The following PTPRR variants were observed in gnomAD, a reference collection of about 807,000 sequenced individuals.
PTPRR encodes protein tyrosine phosphatase receptor type R, also known as receptor-type tyrosine-protein phosphatase R.
PTPRR carries 38 observed loss-of-function variants against 77.2 expected under a neutral mutation model. The ratio of observed to expected loss-of-function variants is 0.49; its 90% CI spans 0.38 to 0.65. The LOEUF (loss-of-function observed/expected upper bound fraction) is 0.65, where lower values mean the gene tolerates loss of function less well. PTPRR is among the 30% of genes least tolerant of loss of function. The probability of loss-of-function intolerance (pLI) is 0.00; values close to 1 mark genes in which losing one functional copy is unlikely to be tolerated. For missense variants in PTPRR, 744 were observed against 799.2 expected, an observed-to-expected ratio of 0.93 and a Z score of 0.83; for synonymous variants, 299 against 283.1, an observed-to-expected ratio of 1.06 and a Z score of -0.57.
intron 6 of PTPRR, among the ~76,000 whole-genome samples, chr12:70,733,130 A>G (rs1889721020): frequency 1.3e-5 from 2 of 152,302 alleles, no homozygotes; most frequent in Non-Finnish European, 2.9e-5. Flanking sequence ...TTGGAAAAAA[A>G]GGTTTCCTTA....
At chr12:70,735,623 T>C (rs1395392335) in intron 6 of PTPRR, among the ~76,000 whole-genome samples, 2 of 152,212 alleles carry the variant, frequency 1.3e-5, no homozygotes, top group African/African-American at 4.8e-5. Flanking sequence ...GTCATCTGTA[T>C]CACCTAGAAA....
intron 2 of PTPRR, among the ~76,000 whole-genome samples, chr12:70,851,686 T>C (rs1479430721): frequency 6.6e-6 from 1 of 152,192 alleles, no homozygotes; most frequent in Non-Finnish European, 1.5e-5. Context: ...GTTCATCATA[T>C]TGAAGACATA....
chr12:70,853,573 G>T (rs141387738), intron 2 of PTPRR, among the ~76,000 whole-genome samples: 145 of 152,228 alleles, frequency 9.5e-4, no homozygotes, highest in African/African-American at 3.3e-3. Context: ...ACTCAATATT[G>T]CTCAATCTTG....
At chr12:70,679,726 A>G (rs564528393) in intron 10 of PTPRR, among the ~76,000 whole-genome samples, 1 of 152,002 alleles carries the variant, frequency 6.6e-6, no homozygotes, top group Non-Finnish European at 1.5e-5. Context: ...TTTAGTTTCC[A>G]TTTGCAAGTG....
In PTPRR at chr12:70,662,516, G is replaced by A; in HGVS notation, c.1587C>T (p.Thr529=). 6.2e-7 allele frequency: 1 copy of A among 1,604,138 alleles called. No homozygotes were observed. Among genetic ancestry groups the A allele is most frequent in the Non-Finnish European group, 8.5e-7 (1 of 1,172,628 alleles). Residue 529 remains threonine (T), a synonymous_variant, in exon 11 of 14, where the codon ACC becomes ACT. Transcript: ENST00000283228. ...VISVNECDNY[T]IRNLVLKQGS... ...TTACCTTTAAGACAAGGTTTCGAAT[G>A]GTGTAGTTATCACATTCATTTACAC...
At chr12:70,762,636 G>A (rs1890719416) in intron 3 of PTPRR, among the ~76,000 whole-genome samples, 3 of 152,210 alleles carry the variant, frequency 2.0e-5, no homozygotes, top group Admixed American at 2.0e-4. Context: ...CTTGTGTTGT[G>A]CCTAACATGC....
intron 2 of PTPRR, among the ~76,000 whole-genome samples, chr12:70,805,252 C>T (rs987889353): frequency 2.6e-5 from 4 of 151,792 alleles, no homozygotes; most frequent in African/African-American, 9.7e-5. Flanking sequence ...TCTTGCAGTG[C>T]TTTCTTAGAA....
At chr12:70,737,103 T>C (rs1360710714) in intron 6 of PTPRR, among the ~76,000 whole-genome samples, 5 of 152,140 alleles carry the variant, frequency 3.3e-5, no homozygotes, top group Non-Finnish European at 5.9e-5. Flanking sequence ...TAGGAAGTTA[T>C]GCCTCCACCA....
At chr12:70,877,537 T>G (rs1355173162) in intron 2 of PTPRR, among the ~76,000 whole-genome samples, 1 of 152,084 alleles carries the variant, frequency 6.6e-6, no homozygotes, top group Non-Finnish European at 1.5e-5. Flanking sequence ...ATAAAATACC[T>G]AGGAATCCAA....
intron 2 of PTPRR, among the ~76,000 whole-genome samples, chr12:70,803,143 T>C (rs1891645830): frequency 6.6e-6 from 1 of 152,326 alleles, no homozygotes; most frequent in African/African-American, 2.4e-5. Flanking sequence ...ATTTTGTCAC[T>C]AAAGCAGTTG....
At chr12:70,896,948 T>C (rs1225092704) in intron 1 of PTPRR, among the ~76,000 whole-genome samples, 8 of 151,864 alleles carry the variant, frequency 5.3e-5, no homozygotes, top group African/African-American at 1.9e-4. Flanking sequence ...TTCTGAGGGC[T>C]GTGTTCTGTT....
chr12:70,669,556 T>C (rs182239530), intron 10 of PTPRR, among the ~76,000 whole-genome samples: 14,905 of 118,952 alleles, frequency 0.13, 1,134 homozygotes, highest in African/African-American at 0.26. Flanking sequence ...TATATATATG[T>C]TATACACACA....
chr12:70,808,296 A>T (rs1891747591), intron 2 of PTPRR, among the ~76,000 whole-genome samples: 1 of 152,150 alleles, frequency 6.6e-6, no homozygotes, highest in South Asian at 2.1e-4. Flanking sequence ...ATGGAAGTTC[A>T]TTAGTGATTC....
At chr12:70,837,415 G>A (rs1892323136) in intron 2 of PTPRR, among the ~76,000 whole-genome samples, 1 of 151,998 alleles carries the variant, frequency 6.6e-6, no homozygotes, top group Admixed American at 6.6e-5. Flanking sequence ...TGAGAATACA[G>A]TAATAACAAA....
intron 5 of PTPRR, among the ~76,000 whole-genome samples, chr12:70,746,768 T>C (rs1207773657): frequency 6.6e-6 from 1 of 152,018 alleles, no homozygotes; most frequent in East Asian, 1.9e-4. Context: ...CATAGCTCAC[T>C]GTAACCTCGA....
chr12:70,888,335 A>G (rs1037460500), intron 2 of PTPRR, among the ~76,000 whole-genome samples: 6 of 152,174 alleles, frequency 3.9e-5, no homozygotes, highest in Admixed American at 3.9e-4. Flanking sequence ...CCAGTCTCAC[A>G]TGGTCAATAA....
chr12:70,675,156 T>C (rs1887396167), intron 10 of PTPRR, among the ~76,000 whole-genome samples: 1 of 152,072 alleles, frequency 6.6e-6, no homozygotes, highest in East Asian at 1.9e-4. Flanking sequence ...TGATTAGTAT[T>C]AGTTTGGTGT....
intron 10 of PTPRR, among the ~76,000 whole-genome samples, chr12:70,666,741 T>C (rs1887009217): frequency 6.6e-6 from 1 of 151,980 alleles, no homozygotes; most frequent in African/African-American, 2.4e-5. Context: ...AAATGGAAAA[T>C]TTTGATAATA....
intron 2 of PTPRR, among the ~76,000 whole-genome samples, chr12:70,833,381 A>C (rs1050561496): frequency 3.9e-5 from 6 of 152,028 alleles, no homozygotes; most frequent in African/African-American, 1.4e-4. Context: ...GTGGGGGTAA[A>C]AATGGAGGTG....
Sources: allele counts gnomAD v4.1 joint callset (sites outside exome capture counted in the v4.1 genomes callset), GRCh38; gene constraint gnomAD v4.1.1; transcripts MANE v1.5; gene names NCBI Gene and HGNC (gene_info 2026-07-23, HGNC 2026-07-21).